The following ZDHHC11 variants were observed in gnomAD, a reference collection of about 807,000 sequenced individuals.
ZDHHC11 encodes the protein palmitoyltransferase ZDHHC11.
ZDHHC11 carries 44 observed loss-of-function variants against 51.3 expected under a neutral mutation model. That is an observed-to-expected ratio of 0.86 (90% CI 0.67 to 1.10). ZDHHC11 has a LOEUF of 1.10. ZDHHC11 is among the 50% of genes least tolerant of loss of function. The pLI is 0.00. For missense variants in ZDHHC11, 400 were observed against 537.7 expected (o/e 0.74, Z 2.53); for synonymous variants, 163 against 222.0 (o/e 0.73, Z 2.36).
At chr5:820,153 A>G (rs1455737299) in intron 9 of ZDHHC11, among the ~76,000 whole-genome samples, 2 of 151,372 alleles carry the variant, frequency 1.3e-5, no homozygotes, top group Non-Finnish European at 3.0e-5. Flanking sequence ...TTATAGTTAC[A>G]TTTCTATTAA....
At chr5:816,506 C>A in intron 10 of ZDHHC11, 1 of 514,496 alleles carries the variant, frequency 1.9e-6, no homozygotes, top group Non-Finnish European at 3.9e-6. Context: ...GATGGATCAG[C>A]TGTGAAAAAC....
rs3822810 is a variant in ZDHHC11, at chr5:840,242, G to A, written c.784+253C>T. On this transcript the variant is annotated intron_variant, in intron 5 of 12. Transcript: ENST00000283441. ...ACCTGGCACCACTCCTGCAGGTCTCGGCGTGAGTTCAGCTTCTTGCTGGGC... is the reference window on the plus strand; with the variant it reads ...ACCTGGCACCACTCCTGCAGGTCTCAGCGTGAGTTCAGCTTCTTGCTGGGC... 1,915 of 713,756 alleles carry A rather than the reference G, an allele frequency of 2.7e-3. 42 individuals are homozygous for A. Among genetic ancestry groups the A allele is most frequent in the Non-Finnish European group, 2.6e-3 (1,023 of 397,146 alleles). 44.2% of individuals were successfully genotyped at this position (713,756 alleles called of 1,614,324 possible).
At chr5:801,258 C>T in intron 11 of ZDHHC11, 94 bp from the exon 12 acceptor site, 2 of 1,503,552 alleles carry the variant, frequency 1.3e-6, no homozygotes, top group South Asian at 1.2e-5. Context: ...AACAAGAGTA[C>T]ATTTTAGAGA....
intron 10 of ZDHHC11, among the ~76,000 whole-genome samples, chr5:817,811 T>C (rs1339370545): frequency 6.6e-6 from 1 of 151,206 alleles, no homozygotes; most frequent in African/African-American, 2.4e-5. Context: ...ACCAGAAATA[T>C]AAAGAAGGGC....
At chr5:814,826 G>C (rs542208946) in intron 10 of ZDHHC11, 31 bp from the exon 11 acceptor site, 1 of 1,518,606 alleles carries the variant, frequency 6.6e-7, no homozygotes, top group East Asian at 2.4e-5. Flanking sequence ...AAATTCATAG[G>C]ATGAACAAAG....
intron 4 of ZDHHC11, among the ~76,000 whole-genome samples, chr5:843,093 C>G (rs1313266979): frequency 6.6e-6 from 1 of 152,292 alleles, no homozygotes; most frequent in Non-Finnish European, 1.5e-5. Flanking sequence ...ACCGCCACGT[C>G]TCTCCAGTGG....
Position 837,436 on chromosome 5 carries a change from T to C in ZDHHC11, c.829A>G (p.Lys277Glu). 6.2e-7 allele frequency: 1 copy of C among 1,611,870 alleles called. No individual in the cohort carries two copies. ...TTFEYLINNR[K>E]EESSKHQAVR... ...GCTTGATGTTTTGAACTCTCTTCTT[T>C]GCGGTTATTAATGAGATACTCAAAG... Residue 277 changes from lysine to glutamate, a missense_variant, in exon 6 of 13, where the codon AAA (lysine) becomes GAA (glutamate). Around this residue, in one of 5 missense-constraint regions of ZDHHC11, gnomAD observed 231 missense variants for 227.4 expected, o/e 1.02. Transcript: ENST00000283441.
intron 6 of ZDHHC11, among the ~76,000 whole-genome samples, chr5:834,513 T>A (rs1288973720): frequency 1.3e-5 from 2 of 151,244 alleles, no homozygotes; most frequent in Non-Finnish European, 3.0e-5. Flanking sequence ...TGTTTGTTTA[T>A]GTTTTTGTTT....
chr5:847,779 G>A (rs1212780105), intron 2 of ZDHHC11, 164 bp from the exon 3 acceptor site: 3 of 571,270 alleles, frequency 5.3e-6, no homozygotes, highest in Non-Finnish European at 9.1e-6. Flanking sequence ...GGGTGTTGAG[G>A]CCTGTGGGGA....
At chr5:812,353 T>C (rs1740199680) in intron 11 of ZDHHC11, among the ~76,000 whole-genome samples, 2 of 151,998 alleles carry the variant, frequency 1.3e-5, no homozygotes, top group Admixed American at 1.3e-4. Context: ...AGAATTACTA[T>C]CCCTAACGTG....
chr5:852,561 C>T (rs1747384074), upstream of ZDHHC11, among the ~76,000 whole-genome samples: 1 of 151,844 alleles, frequency 6.6e-6, no homozygotes, highest in Non-Finnish European at 1.5e-5. Context: ...GGGGGACAGA[C>T]CCCACGGAGG....
chr5:817,905 TCGAAGGGGAGGCGATGGAC>T (rs1741028222), intron 10 of ZDHHC11, among the ~76,000 whole-genome samples: 2 of 151,336 alleles, frequency 1.3e-5, no homozygotes, highest in Non-Finnish European at 3.0e-5. Context: ...CTGGGCCCTC[TCGAAGGGGAGGCGATGGAC>T]TGTAGGTCTG....
intron 11 of ZDHHC11, among the ~76,000 whole-genome samples, chr5:801,654 CTTGA>C (rs1310957570): frequency 3.3e-5 from 5 of 151,338 alleles, no homozygotes; most frequent in African/African-American, 1.2e-4. Context: ...CAGCTAATGA[CTTGA>C]TTGTTTATGT....
intron 4 of ZDHHC11, 60 bp from the exon 5 acceptor site, chr5:840,710 G>A (rs1744702146): frequency 6.2e-7 from 1 of 1,607,330 alleles, no homozygotes. Flanking sequence ...CACATCAGGT[G>A]GACGTCACAG....
rs377661150 is a variant in ZDHHC11 at position 795,976 on chromosome 5, C to G, written c.*612G>C. Reference sequence around the variant, plus strand: ...AGTACTGTATGCCCATTTCCCAGTACTGTGCTCCCATTTCTCAGTAGTGTA... The same window carrying G: ...AGTACTGTATGCCCATTTCCCAGTAGTGTGCTCCCATTTCTCAGTAGTGTA... On this transcript the variant is annotated 3_prime_UTR_variant, in exon 13 of 13. Transcript: ENST00000283441. 31 of 154,188 alleles carry G rather than the reference C, an allele frequency of 2.0e-4. No individual in the cohort carries two copies. Among genetic ancestry groups the G allele is most frequent in the African/African-American group, 7.1e-4 (29 of 40,938 alleles). The allele number at this position is 154,188 out of a possible 1,614,324, so 9.6% of individuals were successfully genotyped here.
chr5:807,577 T>C (rs888880453), intron 11 of ZDHHC11, among the ~76,000 whole-genome samples: 2 of 151,772 alleles, frequency 1.3e-5, no homozygotes, highest in African/African-American at 2.4e-5. Flanking sequence ...TCTGGGCACC[T>C]GGGATCCAAA....
intron 1 of ZDHHC11, among the ~76,000 whole-genome samples, chr5:856,919 A>G (rs1192437579): frequency 3.3e-5 from 5 of 149,848 alleles, no homozygotes; most frequent in African/African-American, 1.2e-4. Context: ...CCACACACAC[A>G]CCAAACCACA....
At chr5:823,984 A>C (rs1477777385) in intron 8 of ZDHHC11, 3 of 445,694 alleles carry the variant, frequency 6.7e-6, no homozygotes, top group African/African-American at 4.0e-5. Context: ...GGCAAGGGGC[A>C]AGGCTTGGAC....
Position 825,169 on chromosome 5 carries a change from C to A in ZDHHC11, c.1018G>T (p.Ala340Ser). The A allele has an allele frequency of 6.2e-7, 1 of 1,611,702 alleles. No individual in the cohort carries two copies. Among genetic ancestry groups the A allele is most frequent in the Non-Finnish European group, 8.5e-7 (1 of 1,178,194 alleles). ...CGCTGGTGACTGCAACTTACCCGTG[C>A]CGTCGAATCCCCATCCTGGTTTACT... ...TSVNQDGDST[A>S]REGDEDPCPS... Residue 340 changes from alanine (A) to serine (S), a missense_variant, in exon 8 of 13, where the codon GCA (alanine) becomes TCA (serine). Ala to Ser is a moderately conservative substitution (Grantham distance 99). This residue lies in a region of ZDHHC11 where 231 missense variants were observed against 227.4 expected (regional missense o/e 1.02). Transcript: ENST00000283441.
Sources: allele counts gnomAD v4.1 joint callset (sites outside exome capture counted in the v4.1 genomes callset), GRCh38; gene constraint gnomAD v4.1.1; regional missense constraint gnomAD v4.1.1; transcripts MANE v1.5; gene names NCBI Gene and HGNC (gene_info 2026-07-23, HGNC 2026-07-21).